Variants in GYPC observed in about 807,000 individuals in gnomAD.
The protein encoded by GYPC is glycophorin C (Gerbich blood group), also known as glycophorin-C.
In GYPC, 14 loss-of-function variants were observed where a neutral mutation model predicts 12.6. The ratio of observed to expected loss-of-function variants is 1.11; its 90% CI spans 0.74 to 1.74. The LOEUF is 1.74. Ranked by LOEUF, GYPC falls within the 40% of genes most tolerant of loss-of-function variation. GYPC has a pLI of 0.00. For synonymous variants in GYPC, 78 were observed against 62.1 expected (o/e 1.26, Z -1.20); for missense variants, 225 against 172.1 (o/e 1.31, Z -1.72).
intron 1 of GYPC, among the ~76,000 whole-genome samples, chr2:126,670,861 C>T (rs779788071): frequency 1.3e-5 from 2 of 152,198 alleles, no homozygotes; most frequent in Non-Finnish European, 2.9e-5. Context: ...CTATCATTTA[C>T]GGAGTGTCAT....
intron 1 of GYPC, among the ~76,000 whole-genome samples, chr2:126,670,034 G>A (rs371994734): frequency 6.6e-6 from 1 of 152,200 alleles, no homozygotes; most frequent in East Asian, 1.9e-4. Flanking sequence ...GCCTCTCACT[G>A]CCCTGCCTCC....
intron 1 of GYPC, among the ~76,000 whole-genome samples, chr2:126,664,705 C>T (rs1425666355): frequency 6.6e-6 from 1 of 152,250 alleles, no homozygotes. Context: ...CTGAGCTCAG[C>T]CCATTGGAGG....
chr2:126,686,673 C>A, intron 1 of GYPC: 1 of 985,296 alleles, frequency 1.0e-6, no homozygotes, highest in Non-Finnish European at 1.2e-6. Context: ...GCCGGGGGGA[C>A]CTTGCAACCT....
intron 1 of GYPC, among the ~76,000 whole-genome samples, chr2:126,660,088 G>A (rs1682494100): frequency 6.6e-6 from 1 of 152,228 alleles, no homozygotes; most frequent in Non-Finnish European, 1.5e-5. Context: ...ACAGGCAACT[G>A]AGGCCAACCC....
intron 3 of GYPC, 92 bp downstream of exon 3, chr2:126,694,039 T>G (rs534466390): frequency 1.4e-4 from 120 of 877,034 alleles, no homozygotes; most frequent in Admixed American, 9.1e-4. Context: ...ACTTGGGCAG[T>G]GGTGGCTGTG....
intron 2 of GYPC, among the ~76,000 whole-genome samples, 179 bp from the exon 3 acceptor site, chr2:126,693,685 C>A (rs1157170619): frequency 2.6e-5 from 4 of 152,144 alleles, no homozygotes; most frequent in Admixed American, 6.6e-5. Context: ...CCAAGCAGAA[C>A]CTGGTTCCTG....
At chr2:126,670,415 G>A (rs754876038) in intron 1 of GYPC, among the ~76,000 whole-genome samples, 2 of 152,204 alleles carry the variant, frequency 1.3e-5, no homozygotes, top group East Asian at 1.9e-4. Context: ...TTGCTGTCTC[G>A]GCCCTGCCAT....
chr2:126,686,657 C>T, intron 1 of GYPC: 1 of 984,038 alleles, frequency 1.0e-6, no homozygotes, highest in Non-Finnish European at 1.2e-6. Context: ...TAGGGTGTTG[C>T]AGGGGGCCGG....
chr2:126,693,924 T>A lies in GYPC; in HGVS notation c.167T>A (p.Ile56Lys), dbSNP rs563789567. Residue 56 changes from isoleucine (I) to lysine (K), a missense_variant, in exon 3 of 4, where the codon ATA becomes AAA. Transcript: ENST00000259254. ...AGAATGGAGACCTCCACCCCCACCA[T>A]AATGGACATTGTCGTCATTGCAGGT... ...DGRMETSTPTIMDIVVIAGVI... is the reference protein window; with the variant it reads ...DGRMETSTPTKMDIVVIAGVI... 7 of 1,610,916 alleles carry A rather than the reference T, an allele frequency of 4.3e-6. No individual in the cohort carries two copies. In the East Asian group the frequency reaches 8.9e-5, roughly 21 times the overall value.
intron 1 of GYPC, chr2:126,679,938 A>G (rs1683108197): frequency 6.6e-6 from 1 of 152,214 alleles, no homozygotes; most frequent in African/African-American, 2.4e-5. Flanking sequence ...GTTGTTCAGC[A>G]AACTACAACT....
At chr2:126,695,295 T>A (rs1487738521) in intron 3 of GYPC, among the ~76,000 whole-genome samples, 1 of 152,162 alleles carries the variant, frequency 6.6e-6, no homozygotes, top group Admixed American at 6.5e-5. Flanking sequence ...TGGGGTATGA[T>A]TCTAACGTGT....
chr2:126,690,425 G>C, intron 2 of GYPC, 114 bp downstream of exon 2: 4 of 809,710 alleles, frequency 4.9e-6, no homozygotes, highest in Non-Finnish European at 8.6e-6. Context: ...AAAACATCCA[G>C]GGGAGAACTG....
At chr2:126,691,949 G>T (rs1463401154) in intron 2 of GYPC, among the ~76,000 whole-genome samples, 1 of 152,068 alleles carries the variant, frequency 6.6e-6, no homozygotes, top group Non-Finnish European at 1.5e-5. Context: ...GAACTTTGAG[G>T]TGCTTGTTGA....
At chr2:126,682,549 C>T (rs993311065) in intron 1 of GYPC, among the ~76,000 whole-genome samples, 31 of 152,166 alleles carry the variant, frequency 2.0e-4, no homozygotes, top group Admixed American at 1.8e-3. Flanking sequence ...TGGTATCTCC[C>T]GCTTCTCCCC....
intron 1 of GYPC, among the ~76,000 whole-genome samples, chr2:126,677,440 A>AGT (rs72008743): frequency 2.0e-3 from 301 of 147,812 alleles, no homozygotes; most frequent in African/African-American, 6.9e-3. Context: ...AGAGAGTAGG[A>AGT]GTGTGTGTGT....
intron 1 of GYPC, among the ~76,000 whole-genome samples, chr2:126,687,656 A>G (rs2104801795): frequency 6.6e-6 from 1 of 152,288 alleles, no homozygotes; most frequent in African/African-American, 2.4e-5. Context: ...CAGCTGAGGG[A>G]ACTTTCCTGC....
At chr2:126,674,480 G>A (rs1682940465) in intron 1 of GYPC, among the ~76,000 whole-genome samples, 1 of 152,206 alleles carries the variant, frequency 6.6e-6, no homozygotes, top group South Asian at 2.1e-4. Context: ...GGCTCGGCAA[G>A]GCCGCGGGTG....
intron 1 of GYPC, among the ~76,000 whole-genome samples, chr2:126,662,215 T>G (rs1219958689): frequency 6.6e-6 from 1 of 152,114 alleles, no homozygotes; most frequent in East Asian, 1.9e-4. Flanking sequence ...GATCAAAACC[T>G]GATAAAACAA....
At chr2:126,676,781 AAG>A (rs1226471470) in intron 1 of GYPC, among the ~76,000 whole-genome samples, 1 of 152,178 alleles carries the variant, frequency 6.6e-6, no homozygotes, top group Non-Finnish European at 1.5e-5. Context: ...AGGGACAGTG[AAG>A]AGAGATGGCT....
Sources: gnomAD v4.1 joint callset for allele counts (sites outside exome capture counted in the v4.1 genomes callset) on GRCh38, gnomAD v4.1.1 for gene constraint, MANE v1.5 for transcripts, NCBI Gene and HGNC (gene_info 2026-07-23, HGNC 2026-07-21) for gene names.